The following ISG20 variants were observed in gnomAD, a reference collection of about 807,000 sequenced individuals.
The protein encoded by ISG20 is interferon-stimulated gene 20 kDa protein.
In ISG20, 8 loss-of-function variants were observed where a neutral mutation model predicts 11.1. The observed-to-expected ratio is 0.72, with a 90% confidence interval of 0.42 to 1.30. ISG20 has a LOEUF of 1.30. Ranked by LOEUF, ISG20 falls within the 50% of genes most tolerant of loss-of-function variation. The pLI is 0.01. For synonymous variants in ISG20, 110 were observed against 101.7 expected (o/e 1.08, Z -0.49); for missense variants, 243 against 250.2 (o/e 0.97, Z 0.19).
At chr15:88,651,772 G>A in intron 2 of ISG20, 1 of 1,081,008 alleles carries the variant, frequency 9.3e-7, no homozygotes, top group Non-Finnish European at 1.1e-6. Flanking sequence ...TGCCATAATA[G>A]AATTGTTGGG....
In ISG20 at chr15:88,651,731, G is replaced by A. The variant is rs564397562; in HGVS notation, c.229-379G>A. ...ATTCACAGATCCTGGGGACTAGGGT[G>A]TGGACATCTTTGGGAGGTCATTATT... On this transcript the variant is annotated intron_variant, in intron 2 of 3. Transcript: ENST00000306072. The A allele has an allele frequency of 1.0e-5, 10 of 999,970 alleles. No individual in the cohort carries two copies. In the South Asian group the frequency reaches 1.7e-4, roughly 17 times the overall value. 61.9% of individuals were successfully genotyped at this position (999,970 alleles called of 1,614,324 possible).
chr15:88,653,525 T>G (rs1700403128), intron 3 of ISG20, among the ~76,000 whole-genome samples: 1 of 152,082 alleles, frequency 6.6e-6, no homozygotes, highest in Non-Finnish European at 1.5e-5. Flanking sequence ...ATAAGGCACA[T>G]AAGGGCCAGG....
upstream of ISG20, among the ~76,000 whole-genome samples, chr15:88,637,645 G>A (rs1214221074): frequency 6.6e-6 from 1 of 152,090 alleles, no homozygotes; most frequent in Non-Finnish European, 1.5e-5. Flanking sequence ...AGTGGGATGT[G>A]TTCTGACTGA....
At chr15:88,637,923 A>G (rs2058011059), upstream of ISG20, among the ~76,000 whole-genome samples, 1 of 152,244 alleles carries the variant, frequency 6.6e-6, no homozygotes, top group Non-Finnish European at 1.5e-5. Flanking sequence ...TTGCTTATTC[A>G]GGATGGGAAT....
intron 3 of ISG20, among the ~76,000 whole-genome samples, chr15:88,654,727 G>A (rs2058346099): frequency 6.6e-6 from 1 of 152,198 alleles, no homozygotes; most frequent in Non-Finnish European, 1.5e-5. Flanking sequence ...ATCATATCCA[G>A]CTCAGAGGTT....
chr15:88,654,766 G>A (rs2058346739), intron 3 of ISG20, among the ~76,000 whole-genome samples: 1 of 152,140 alleles, frequency 6.6e-6, no homozygotes, highest in Admixed American at 6.6e-5. Flanking sequence ...CGGAAGACAT[G>A]GTAAATGGTC....
rs1024641369 is a variant in ISG20, at chr15:88,656,061, CTG to C, written c.*533_*534del. 4 of 152,468 alleles carry C rather than the reference CTG, an allele frequency of 2.6e-5. No homozygotes were observed. The highest frequency in any genetic ancestry group is 4.1e-4 in the South Asian group (2 of 4,872). The allele number at this position is 152,468 out of a possible 1,614,324, so 9.4% of individuals were successfully genotyped here. Reference sequence around the variant, plus strand: ...AAAATGAGGAAGGAAAGGTAACAAACTGTGGAGTCAGAGAGAAGTAGGTTGGA... The same window carrying C: ...AAAATGAGGAAGGAAAGGTAACAAACTGGAGTCAGAGAGAAGTAGGTTGGA... On this transcript the variant is annotated 3_prime_UTR_variant, in exon 4 of 4. Coordinates refer to ENST00000306072, the MANE Select transcript of ISG20 (RefSeq NM_002201.6).
At chr15:88,652,342 C>CCCTCCTCCCCCTCCTCCCCCTCCTCCTCA in intron 3 of ISG20, 32 bp downstream of exon 3, 3 of 1,194,876 alleles carry the variant, frequency 2.5e-6, no homozygotes, top group Non-Finnish European at 3.4e-6. Flanking sequence ...TCCTCCTCCC[C>CCCTCCTCCCCCTCCTCCCCCTCCTCCTCA]CCTCCTCCCC....
intron 3 of ISG20, among the ~76,000 whole-genome samples, chr15:88,652,633 C>T (rs1043410767): frequency 2.4e-5 from 3 of 125,068 alleles, no homozygotes; most frequent in Non-Finnish European, 5.0e-5. Context: ...CCTGTCCCCT[C>T]CCTTTCCTCC....
At position 88,639,719 on chromosome 15, in the gene ISG20, G is replaced by A. The variant is rs116361558; in HGVS notation, c.228+125G>A. On this transcript the variant is annotated intron_variant, in intron 2 of 3. Coordinates refer to ENST00000306072, the MANE Select transcript of ISG20 (RefSeq NM_002201.6). The surrounding 1 kb of genome is among the most constrained non-coding windows in gnomAD (Gnocchi z 4.2). ...TGTAAGATTTCCCACACTGCTGTTG[G>A]GAGAAAGCCGGTGGTGTCTCCATCA... 23 of 706,164 alleles carry A rather than the reference G, an allele frequency of 3.3e-5. No homozygotes were observed. In the African/African-American group the frequency reaches 3.4e-4, roughly 10 times the overall value. 43.7% of individuals were successfully genotyped at this position (706,164 alleles called of 1,614,324 possible).
intron 2 of ISG20, among the ~76,000 whole-genome samples, chr15:88,642,263 G>T (rs2058094621): frequency 6.6e-6 from 1 of 152,030 alleles, no homozygotes; most frequent in South Asian, 2.1e-4. Flanking sequence ...CAATCATATT[G>T]GATTATGAGC....
chr15:88,644,347 A>G (rs1467858039), intron 2 of ISG20, among the ~76,000 whole-genome samples: 1 of 151,822 alleles, frequency 6.6e-6, no homozygotes, highest in Non-Finnish European at 1.5e-5. Flanking sequence ...CAGCCTGGCT[A>G]ACATGGTGAA....
intron 2 of ISG20, among the ~76,000 whole-genome samples, chr15:88,642,052 G>T (rs1428850944): frequency 6.7e-6 from 1 of 148,296 alleles, no homozygotes; most frequent in Admixed American, 6.9e-5. Context: ...TCCCGCCTCA[G>T]CCTCCCAAGT....
Position 88,640,979 on chromosome 15 carries a change from T to C in ISG20, c.228+1385T>C, listed in dbSNP as rs936721247. 5.3e-5 allele frequency among the ~76,000 whole-genome samples: 8 copies of C among 152,032 alleles called. 1 individual carries two copies. The highest frequency in any genetic ancestry group is 1.3e-4 in the Admixed American group (2 of 15,262). Reference sequence around the variant, plus strand: ...AAAAGTTAACTGTTTTGATTGTTTTTTTGTATGTCTGTTTTATTATTATTT... The same window carrying C: ...AAAAGTTAACTGTTTTGATTGTTTTCTTGTATGTCTGTTTTATTATTATTT... On this transcript the variant is annotated intron_variant, in intron 2 of 3. Transcript: ENST00000306072.
At chr15:88,636,835 C>T (rs970085778), upstream of ISG20, among the ~76,000 whole-genome samples, 1 of 152,096 alleles carries the variant, frequency 6.6e-6, no homozygotes, top group African/African-American at 2.4e-5. Context: ...GCAGGAAGTG[C>T]GGTTTTAAAT....
Position 88,650,628 on chromosome 15 carries a change from T to G in ISG20, c.229-1482T>G. 2.5e-6 allele frequency: 1 copy of G among 408,148 alleles called. No homozygotes were observed. Among genetic ancestry groups the G allele is most frequent in the Non-Finnish European group, 4.3e-6 (1 of 233,420 alleles). The allele number at this position is 408,148 out of a possible 1,614,324, so 25.3% of individuals were successfully genotyped here. A position where few individuals can be genotyped will look rare whatever the true frequency, so the allele number is the denominator to read the frequency against. The stretch of plus-strand genomic sequence containing the variant: ...GGACAGGCCGTCAGTTAAGGCACCT[T>G]GAAGGCTGGGGGCTGGAACCATTGG... On this transcript the variant is annotated intron_variant, in intron 2 of 3. Coordinates refer to ENST00000306072, the MANE Select transcript of ISG20 (RefSeq NM_002201.6). The surrounding 1 kb of genome is among the most constrained non-coding windows in gnomAD (Gnocchi z 4.0).
upstream of ISG20, chr15:88,636,176 TG>T (rs1482676856): frequency 6.6e-6 from 1 of 152,282 alleles, no homozygotes; most frequent in African/African-American, 2.4e-5. Flanking sequence ...GGTGGTCAGC[TG>T]TAGCTGGATG....
At chr15:88,649,145 A>G (rs910726143) in intron 2 of ISG20, 2 of 152,254 alleles carry the variant, frequency 1.3e-5, no homozygotes, top group African/African-American at 4.8e-5. Context: ...AAGCCCAGAG[A>G]GGGTCTTTGA....
chr15:88,645,473 C>T (rs1295645633), intron 2 of ISG20, among the ~76,000 whole-genome samples: 1 of 152,084 alleles, frequency 6.6e-6, no homozygotes, highest in African/African-American at 2.4e-5. Flanking sequence ...CTGCTCTCTC[C>T]CACTCTGCTG....
Sources: gnomAD v4.1 joint callset for allele counts (sites outside exome capture counted in the v4.1 genomes callset) on GRCh38, gnomAD v4.1.1 for gene constraint, Gnocchi (gnomAD v3.1) non-coding constraint, MANE v1.5 for transcripts, NCBI Gene and HGNC (gene_info 2026-07-23, HGNC 2026-07-21) for gene names.